The following BCCIP variants were observed in gnomAD, a reference collection of about 807,000 sequenced individuals.
The protein encoded by BCCIP is BRCA2 and CDKN1A-interacting protein.
BCCIP carries 23 observed loss-of-function variants against 32.8 expected under a neutral mutation model. The observed-to-expected ratio is 0.70, with a 90% CI of 0.51 to 0.99. The LOEUF (loss-of-function observed/expected upper bound fraction) is 0.99, where lower values mean the gene tolerates loss of function less well. Among genes scored for constraint, BCCIP ranks in the 50% least tolerant of loss-of-function variants. The probability of loss-of-function intolerance (pLI) is 0.00; values close to 1 mark genes in which losing one functional copy is unlikely to be tolerated. For missense variants in BCCIP, 378 were observed against 379.8 expected, an observed-to-expected ratio of 1.00 and a Z score of 0.04; for synonymous variants, 144 against 137.6, an observed-to-expected ratio of 1.05 and a Z score of -0.33.
chr10:125,823,573 A>T lies in BCCIP; in HGVS notation c.16A>T (p.Lys6Ter). The change falls in exon 1 of 7, where the codon AAG becomes TAG. Residue 6 changes from lysine to a stop codon, truncating the protein, a stop_gained. Transcript: ENST00000278100. LOFTEE classifies it high-confidence loss of function. The part of the protein sequence containing the change: MASRS[K>*]RRAVESGVPQ... ...GAGCGGCAACATGGCGTCCAGGTCT[A>T]AGCGGCGTGCCGTGGAAAGTGGGGT... 1.2e-6 allele frequency: 2 copies of T among 1,613,896 alleles called. No individual in the cohort carries two copies. The highest frequency in any genetic ancestry group is 1.1e-5 in the South Asian group (1 of 91,070).
chr10:125,830,498 CT>C (rs1854497349), intron 3 of BCCIP, 63 bp from the exon 4 acceptor site: 1 of 1,096,408 alleles, frequency 9.1e-7, no homozygotes, highest in African/African-American at 1.6e-5. Flanking sequence ...CATCCCAAGA[CT>C]TGGTTTTATA....
intron 5 of BCCIP, 32 bp downstream of exon 5, chr10:125,831,639 G>A (rs763012804): frequency 1.3e-6 from 2 of 1,569,564 alleles, no homozygotes; most frequent in Non-Finnish European, 1.7e-6. Context: ...TCTTTGAACA[G>A]TAATTTTTTT....
chr10:125,853,349 C>T (rs1944116672), exon 8 of BCCIP: 1 of 585,814 alleles, frequency 1.7e-6, no homozygotes, highest in Non-Finnish European at 2.7e-6. Flanking sequence ...TTTGAGATCT[C>T]AAATGTTAGG....
intron 7 of BCCIP, chr10:125,852,296 G>A: frequency 6.2e-7 from 1 of 1,613,882 alleles, no homozygotes; most frequent in Non-Finnish European, 8.5e-7. Flanking sequence ...AGGCTACCTG[G>A]TCTGTTCATG....
downstream of BCCIP, among the ~76,000 whole-genome samples, chr10:125,846,456 A>G (rs758012404): frequency 1.3e-5 from 2 of 152,214 alleles, no homozygotes; most frequent in Non-Finnish European, 2.9e-5. Context: ...CATAAGGGTG[A>G]GGCTCAAATT....
intron 1 of BCCIP, among the ~76,000 whole-genome samples, chr10:125,825,271 ATCC>A (rs1854362904): frequency 9.6e-6 from 1 of 104,648 alleles, no homozygotes; most frequent in African/African-American, 3.4e-5. Context: ...TGGACAGATA[ATCC>A]ATTTGCCGCC....
chr10:125,834,055 T>A, intron 6 of BCCIP, 109 bp downstream of exon 6: 1 of 1,247,810 alleles, frequency 8.0e-7, no homozygotes. Context: ...CAAGTGTGGC[T>A]ACTCTGTTTT....
chr10:125,834,046 A>C (rs893536605), intron 6 of BCCIP, 100 bp downstream of exon 6: 36 of 1,310,946 alleles, frequency 2.7e-5, no homozygotes, highest in Non-Finnish European at 3.8e-5. Flanking sequence ...CAAGTCTTTC[A>C]AGTGTGGCTA....
At chr10:125,842,106 GC>G in exon 7 of BCCIP, 1 of 856,494 alleles carries the variant, frequency 1.2e-6, no homozygotes. Flanking sequence ...TCTTGAGAGG[GC>G]AAACTCAGGA....
intron 3 of BCCIP, among the ~76,000 whole-genome samples, chr10:125,829,027 C>T (rs1427780789): frequency 6.6e-6 from 1 of 152,166 alleles, no homozygotes; most frequent in African/African-American, 2.4e-5. Context: ...AGTGCCATTT[C>T]CACCATTTGC....
downstream of BCCIP, chr10:125,839,105 C>CT: frequency 6.2e-7 from 1 of 1,614,216 alleles, no homozygotes; most frequent in East Asian, 2.2e-5. Context: ...TTGATAATTT[C>CT]TAAGAGTTCA....
downstream of BCCIP, chr10:125,838,341 T>C (rs754326853): frequency 4.3e-6 from 7 of 1,612,294 alleles, no homozygotes; most frequent in Non-Finnish European, 5.1e-6. Context: ...AACCTGCTTA[T>C]GTGTCAGCAT....
At chr10:125,852,405 C>T (rs757116532) in intron 7 of BCCIP, 3 of 1,614,226 alleles carry the variant, frequency 1.9e-6, no homozygotes, top group Non-Finnish European at 2.5e-6. Flanking sequence ...TCAGTGGCGT[C>T]ATGTCTTTGG....
chr10:125,834,240 A>G (rs1854594543), intron 6 of BCCIP, among the ~76,000 whole-genome samples: 1 of 152,170 alleles, frequency 6.6e-6, no homozygotes, highest in Non-Finnish European at 1.5e-5. Flanking sequence ...TTCCTGTGAA[A>G]TCTTTCATTC....
At chr10:125,838,634 G>A (rs558399273), downstream of BCCIP, among the ~76,000 whole-genome samples, 1 of 152,244 alleles carries the variant, frequency 6.6e-6, no homozygotes, top group East Asian at 1.9e-4. Flanking sequence ...CAGCTGTGAG[G>A]TTAATGTTTT....
intron 4 of BCCIP, 58 bp downstream of exon 4, chr10:125,830,709 T>G: frequency 1.0e-6 from 1 of 982,490 alleles, no homozygotes; most frequent in Non-Finnish European, 1.6e-6. Context: ...CCACTTTTAT[T>G]TAATGCATGG....
At chr10:125,833,197 A>G (rs1854568185) in intron 5 of BCCIP, among the ~76,000 whole-genome samples, 1 of 152,284 alleles carries the variant, frequency 6.6e-6, no homozygotes, top group African/African-American at 2.4e-5. Flanking sequence ...CTTTTGTTCA[A>G]GGGCATCCAG....
At chr10:125,838,137 ATT>A, downstream of BCCIP, 1 of 1,444,594 alleles carries the variant, frequency 6.9e-7, no homozygotes. Context: ...TAAAAGCCAA[ATT>A]TGTCATTTAC....
chr10:125,841,165 C>T (rs1420475736), downstream of BCCIP: 90 of 1,377,624 alleles, frequency 6.5e-5, no homozygotes, highest in Non-Finnish European at 5.0e-6. Flanking sequence ...TAGAGTGAGT[C>T]ATCCTAATTC....
Sources: gnomAD v4.1 joint callset for allele counts (sites outside exome capture counted in the v4.1 genomes callset) on GRCh38, gnomAD v4.1.1 for gene constraint, MANE v1.5 for transcripts, NCBI Gene and HGNC (gene_info 2026-07-23, HGNC 2026-07-21) for gene names.